Variants in PITPNM2 observed in about 807,000 individuals in gnomAD.
PITPNM2 encodes phosphatidylinositol transfer protein membrane associated 2.
A neutral mutation model predicts 132.2 loss-of-function variants in PITPNM2; 35 were observed. The ratio of observed to expected loss-of-function variants is 0.26; its 90% CI spans 0.20 to 0.35. PITPNM2 has a LOEUF of 0.35. Ranked by LOEUF, PITPNM2 falls within the 10% of genes least tolerant of loss-of-function variation. PITPNM2 has a pLI of 1.00. For synonymous variants in PITPNM2, 738 were observed against 799.2 expected, an observed-to-expected ratio of 0.92 and a Z score of 1.29; for missense variants, 1,332 against 1,912.0, an observed-to-expected ratio of 0.70 and a Z score of 5.66.
intron 2 of PITPNM2, among the ~76,000 whole-genome samples, chr12:123,063,797 C>T (rs1196183641): frequency 6.6e-6 from 1 of 152,212 alleles, no homozygotes; most frequent in East Asian, 1.9e-4. Flanking sequence ...CACAGCTCCA[C>T]CCCTCACTTG....
intron 3 of PITPNM2, among the ~76,000 whole-genome samples, chr12:123,030,760 T>C (rs1021594470): frequency 1.3e-5 from 2 of 151,648 alleles, no homozygotes; most frequent in Non-Finnish European, 2.9e-5. Flanking sequence ...AATGGATGAA[T>C]GGATAAGCAA....
rs2040106119 is a variant in PITPNM2 at position 123,031,927 on chromosome 12, A to C, written c.78+2586T>G. 6.6e-6 allele frequency among the ~76,000 whole-genome samples: 1 copy of C among 152,208 alleles called. No individual in the cohort carries two copies. The highest frequency in any genetic ancestry group is 2.1e-4 in the South Asian group (1 of 4,834). On this transcript the variant is annotated intron_variant, in intron 3 of 25. Transcript: ENST00000320201. The surrounding 1 kb of genome is among the most constrained non-coding windows in gnomAD (Gnocchi z 4.5). ...CTTAGAGGCCACAGTGTCTCTGCCT[A>C]GCTGGGGAGGATGCCCATCTGTCCA...
In PITPNM2 at chr12:123,000,242, C is replaced by T. The variant is rs1452248660; in HGVS notation, c.1224+536G>A. On this transcript the variant is annotated intron_variant, in intron 10 of 25. Coordinates refer to ENST00000320201, the MANE Select transcript of PITPNM2 (RefSeq NM_020845.3). The surrounding 1 kb of genome is among the most constrained non-coding windows in gnomAD (Gnocchi z 5.4). ...CCCAGTGCAAACAGCTCTGACGGCC[C>T]GCAGGTGGAGGAGGATGGGGCATGA... 3.3e-6 allele frequency: 2 copies of T among 604,866 alleles called. No homozygotes were observed. The highest frequency in any genetic ancestry group is 5.9e-6 in the Non-Finnish European group (2 of 340,026). The allele number at this position is 604,866 out of a possible 1,614,324, so 37.5% of individuals were successfully genotyped here.
At chr12:123,120,774 C>A (rs142026493) in intron 1 of PITPNM2, among the ~76,000 whole-genome samples, 4 of 152,174 alleles carry the variant, frequency 2.6e-5, no homozygotes, top group African/African-American at 9.7e-5. Context: ...GCAGGGACAA[C>A]CTCTCTGAGC....
intron 1 of PITPNM2, among the ~76,000 whole-genome samples, chr12:123,145,464 TG>T (rs1229614727): frequency 6.6e-6 from 1 of 152,202 alleles, no homozygotes; most frequent in Non-Finnish European, 1.5e-5. Context: ...TCCCTGATCA[TG>T]ACCTCTGATC....
In PITPNM2 at chr12:123,077,188, A is replaced by G. The variant is rs1417888576; in HGVS notation, c.-96+33197T>C. On this transcript the variant is annotated intron_variant, in intron 2 of 25. Transcript: ENST00000320201. This position sits in a 1 kb window ranked among gnomAD's most constrained non-coding sequence, Gnocchi z 4.8. ...CAGATGGTGCTATCCAGACAGACAC[A>G]CTGGCAGGGCCGCTCTGCCTGAAGC... Among the ~76,000 whole-genome samples, 1 of 152,056 alleles carries G rather than the reference A, an allele frequency of 6.6e-6. No individual in the cohort carries two copies. The highest frequency in any genetic ancestry group is 1.5e-5 in the Non-Finnish European group (1 of 68,008).
At chr12:123,028,077 G>A (rs867759844) in intron 3 of PITPNM2, among the ~76,000 whole-genome samples, 1 of 152,208 alleles carries the variant, frequency 6.6e-6, no homozygotes, top group Non-Finnish European at 1.5e-5. Context: ...GGCTAACGAA[G>A]GAGTTGGGGG....
At chr12:123,121,450 C>T (rs2137440760) in intron 1 of PITPNM2, among the ~76,000 whole-genome samples, 1 of 152,334 alleles carries the variant, frequency 6.6e-6, no homozygotes, top group East Asian at 1.9e-4. Flanking sequence ...TCCTTTTGTT[C>T]ATGAGATGAT....
At chr12:123,007,361 C>T in intron 6 of PITPNM2, 2 of 456,588 alleles carry the variant, frequency 4.4e-6, no homozygotes, top group Non-Finnish European at 8.8e-6. Context: ...CTCCATTTTG[C>T]TTTCATAAAC....
rs2043734455 is a variant in PITPNM2 at position 123,151,075 on chromosome 12, C to T, written c.-522G>A. Among the ~76,000 whole-genome samples, 1 of 145,788 alleles carries T rather than the reference C, an allele frequency of 6.9e-6. No individual in the cohort carries two copies. Among genetic ancestry groups the T allele is most frequent in the Non-Finnish European group, 1.5e-5 (1 of 65,578 alleles). On this transcript the variant is annotated 5_prime_UTR_variant, in exon 1 of 26. Coordinates refer to ENST00000320201, the MANE Select transcript of PITPNM2 (RefSeq NM_020845.3). ...CGCGGCGCCGCGGTGCCCCGCGCACCCCAGCGGCCGCTGCTGCCCGCGCGC... is the reference window on the plus strand; with the variant it reads ...CGCGGCGCCGCGGTGCCCCGCGCACTCCAGCGGCCGCTGCTGCCCGCGCGC...
chr12:123,128,034 C>T (rs528346151), intron 1 of PITPNM2, among the ~76,000 whole-genome samples: 1 of 152,082 alleles, frequency 6.6e-6, no homozygotes, highest in South Asian at 2.1e-4. Context: ...AACAGTGCTT[C>T]CTAGATGTTA....
At chr12:123,127,253 C>A (rs543328633) in intron 1 of PITPNM2, among the ~76,000 whole-genome samples, 2 of 152,348 alleles carry the variant, frequency 1.3e-5, no homozygotes, top group East Asian at 3.9e-4. Flanking sequence ...ACTTACACCG[C>A]TGCCCTCCAT....
rs553977893 is a variant in PITPNM2 at position 123,000,876 on chromosome 12, A to G, written c.1154-28T>C. On this transcript the variant is annotated intron_variant, in intron 9 of 25. Coordinates refer to ENST00000320201, the MANE Select transcript of PITPNM2 (RefSeq NM_020845.3). The surrounding 1 kb of genome is among the most constrained non-coding windows in gnomAD (Gnocchi z 5.4). ...GCAAAGACACAGAAGCCGTGCTGTG[A>G]GCTGAGGGGCAGCCCAACCTGGCCG... 2.7e-5 allele frequency: 43 copies of G among 1,613,676 alleles called. No individual in the cohort carries two copies. The highest frequency in any genetic ancestry group is 2.0e-4 in the East Asian group (9 of 44,884).
At chr12:123,015,247 C>T (rs1034951560) in intron 3 of PITPNM2, among the ~76,000 whole-genome samples, 1 of 152,150 alleles carries the variant, frequency 6.6e-6, no homozygotes, top group African/African-American at 2.4e-5. Flanking sequence ...GAAAACAAAA[C>T]AAAACCAAGC....
intron 3 of PITPNM2, among the ~76,000 whole-genome samples, chr12:123,020,784 A>C (rs1353916726): frequency 6.6e-6 from 1 of 152,056 alleles, no homozygotes; most frequent in Non-Finnish European, 1.5e-5. Context: ...GCACTTTGGG[A>C]GGCTGAGGCA....
At chr12:123,096,866 A>G (rs898953632) in intron 2 of PITPNM2, among the ~76,000 whole-genome samples, 3 of 152,150 alleles carry the variant, frequency 2.0e-5, no homozygotes, top group African/African-American at 7.2e-5. Flanking sequence ...CTCCAGGCCC[A>G]GCAGGTCTCC....
intron 3 of PITPNM2, among the ~76,000 whole-genome samples, chr12:123,029,449 G>A (rs746377278): frequency 1.3e-5 from 2 of 152,202 alleles, no homozygotes; most frequent in Non-Finnish European, 2.9e-5. Context: ...AGCCAGGCAT[G>A]GAGGCGGGCA....
In PITPNM2 at chr12:122,989,873, G is replaced by A; in HGVS notation, c.2645C>T (p.Thr882Ile). The part of the protein sequence containing the change: ...SLLALPAPSP[T>I]TPGPHPPARK... ...GGCTGGAGGGTGGGGGCCAGGGGTG[G>A]TGGGGCTGGGGGCGGGCAGGGCGAG... Residue 882 changes from threonine to isoleucine, a missense_variant, in exon 18 of 26, where the codon ACC (threonine) becomes ATC (isoleucine). Physicochemically the swap from Thr to Ile is moderately conservative, Grantham distance 89. Coordinates refer to ENST00000320201, the MANE Select transcript of PITPNM2 (RefSeq NM_020845.3). 7.5e-7 allele frequency: 1 copy of A among 1,329,764 alleles called. No individual in the cohort carries two copies. Among genetic ancestry groups the A allele is most frequent in the Non-Finnish European group, 9.7e-7 (1 of 1,034,986 alleles). 82.4% of individuals were successfully genotyped at this position (1,329,764 alleles called of 1,614,324 possible).
At chr12:123,028,829 C>G (rs899134129) in intron 3 of PITPNM2, among the ~76,000 whole-genome samples, 7 of 152,124 alleles carry the variant, frequency 4.6e-5, no homozygotes, top group African/African-American at 1.7e-4. Flanking sequence ...CCTCAGGACC[C>G]AGAGGGTCAG....
Sources: gnomAD v4.1 joint callset for allele counts (sites outside exome capture counted in the v4.1 genomes callset) on GRCh38, gnomAD v4.1.1 for gene constraint, Gnocchi (gnomAD v3.1) non-coding constraint, MANE v1.5 for transcripts, NCBI Gene and HGNC (gene_info 2026-07-23, HGNC 2026-07-21) for gene names.